The following ADK variants were observed in gnomAD, a reference collection of about 807,000 sequenced individuals.
ADK encodes adenosine kinase, also known as N6,N6-dimethyladenosine kinase.
In ADK, 24 loss-of-function variants were observed where a neutral mutation model predicts 44.7. That is an observed-to-expected ratio of 0.54 (90% CI 0.39 to 0.76). The LOEUF (loss-of-function observed/expected upper bound fraction) is 0.76, where lower values mean the gene tolerates loss of function less well. ADK is among the 30% of genes least tolerant of loss of function. The pLI is 0.00. For missense variants in ADK, 321 were observed against 425.1 expected (o/e 0.76, Z 2.15); for synonymous variants, 128 against 142.6 (o/e 0.90, Z 0.73).
intron 3 of ADK, among the ~76,000 whole-genome samples, chr10:74,269,235 CTGTT>C (rs1035626184): frequency 3.3e-5 from 5 of 152,222 alleles, no homozygotes; most frequent in East Asian, 1.9e-4. Context: ...TGTTTTTAAA[CTGTT>C]TGAACACTAG....
intron 6 of ADK, among the ~76,000 whole-genome samples, chr10:74,522,892 TTTC>T (rs1182770657): frequency 6.6e-6 from 1 of 152,172 alleles, no homozygotes; most frequent in Admixed American, 6.5e-5. Flanking sequence ...AATAGATCCT[TTTC>T]TTTGAAAAGC....
intron 7 of ADK, among the ~76,000 whole-genome samples, chr10:74,544,242 T>A (rs1429608347): frequency 6.6e-6 from 1 of 152,240 alleles, no homozygotes; most frequent in Admixed American, 6.5e-5. Flanking sequence ...TGGTGATCAC[T>A]TTCTGACCGG....
At chr10:74,489,837 A>C (rs1437828410) in intron 6 of ADK, among the ~76,000 whole-genome samples, 1 of 152,052 alleles carries the variant, frequency 6.6e-6, no homozygotes, top group Non-Finnish European at 1.5e-5. Flanking sequence ...TATTATATCT[A>C]GTTCCTGAAA....
At chr10:74,202,704 A>G (rs551430110) in intron 2 of ADK, among the ~76,000 whole-genome samples, 6 of 152,288 alleles carry the variant, frequency 3.9e-5, no homozygotes, top group Admixed American at 3.3e-4. Context: ...GCATTTTTCT[A>G]TTGAAAACTT....
intron 4 of ADK, among the ~76,000 whole-genome samples, chr10:74,363,180 C>T (rs1432580540): frequency 1.3e-5 from 2 of 152,160 alleles, no homozygotes; most frequent in African/African-American, 4.8e-5. Context: ...TATGGATATG[C>T]CTGTCACATG....
At chr10:74,174,175 G>C (rs1842249704) in intron 1 of ADK, among the ~76,000 whole-genome samples, 1 of 151,578 alleles carries the variant, frequency 6.6e-6, no homozygotes, top group Non-Finnish European at 1.5e-5. Flanking sequence ...AGGCATGGTG[G>C]TGCGTGCCTT....
intron 1 of ADK, among the ~76,000 whole-genome samples, chr10:74,189,476 G>A (rs772579991): frequency 1.1e-4 from 17 of 152,274 alleles, no homozygotes; most frequent in Non-Finnish European, 1.0e-4. Flanking sequence ...GAGGTTTTCA[G>A]TGTAGATATT....
intron 7 of ADK, among the ~76,000 whole-genome samples, chr10:74,553,367 A>C (rs541423973): frequency 4.6e-5 from 7 of 151,806 alleles, no homozygotes; most frequent in African/African-American, 1.7e-4. Context: ...CACCCAGCTA[A>C]TTTTTGTATT....
chr10:74,333,734 C>A (rs1841310038), intron 4 of ADK, among the ~76,000 whole-genome samples: 1 of 151,940 alleles, frequency 6.6e-6, no homozygotes, highest in Admixed American at 6.5e-5. Flanking sequence ...AAAAAGATTT[C>A]AAAATTATAA....
intron 9 of ADK, among the ~76,000 whole-genome samples, chr10:74,618,252 CTCCTT>C (rs1218932727): frequency 6.6e-6 from 1 of 151,290 alleles, no homozygotes; most frequent in Admixed American, 6.6e-5. Flanking sequence ...TCTTTTTTCT[CTCCTT>C]TCCTGCTGTT....
intron 3 of ADK, among the ~76,000 whole-genome samples, chr10:74,227,338 C>T (rs1409260233): frequency 6.6e-6 from 1 of 152,166 alleles, no homozygotes; most frequent in Non-Finnish European, 1.5e-5. Flanking sequence ...CATTGACCTG[C>T]TCTTTGAAAA....
At chr10:74,512,391 C>T (rs962284859) in intron 6 of ADK, among the ~76,000 whole-genome samples, 14 of 141,328 alleles carry the variant, frequency 9.9e-5, no homozygotes, top group Admixed American at 2.3e-4. Context: ...GTGAAGCCAT[C>T]CAGTTCTGGA....
intron 3 of ADK, among the ~76,000 whole-genome samples, chr10:74,254,588 C>G (rs1035978690): frequency 4.0e-5 from 6 of 151,372 alleles, no homozygotes; most frequent in African/African-American, 1.5e-4. Flanking sequence ...TTCAATAACA[C>G]ACTTCAAAAA....
intron 3 of ADK, among the ~76,000 whole-genome samples, chr10:74,265,384 T>C (rs544575523): frequency 2.0e-5 from 3 of 152,140 alleles, no homozygotes; most frequent in South Asian, 4.1e-4. Context: ...CCCAGCTAAT[T>C]GTTTTTATTT....
At chr10:74,310,712 A>G (rs1840405029) in intron 3 of ADK, among the ~76,000 whole-genome samples, 2 of 152,184 alleles carry the variant, frequency 1.3e-5, no homozygotes, top group South Asian at 4.1e-4. Flanking sequence ...AATAATGTCT[A>G]CACTTATTAG....
At chr10:74,294,816 A>T (rs2132492872) in intron 3 of ADK, among the ~76,000 whole-genome samples, 1 of 152,212 alleles carries the variant, frequency 6.6e-6, no homozygotes, top group South Asian at 2.1e-4. Flanking sequence ...TAAGTTTTTT[A>T]CCCAGTTTTC....
chr10:74,607,258 T>G (rs1382999917), intron 9 of ADK, among the ~76,000 whole-genome samples: 2 of 152,210 alleles, frequency 1.3e-5, no homozygotes, highest in Non-Finnish European at 2.9e-5. Context: ...TATGCATGAA[T>G]TTGATCCTGT....
chr10:74,592,392 T>C (rs886532140), intron 8 of ADK, among the ~76,000 whole-genome samples: 8 of 152,148 alleles, frequency 5.3e-5, no homozygotes, highest in Non-Finnish European at 1.0e-4. Context: ...CATGTTTCAT[T>C]ATAAAGCCTT....
At chr10:74,541,661 C>A (rs1320932104) in intron 7 of ADK, among the ~76,000 whole-genome samples, 2 of 151,510 alleles carry the variant, frequency 1.3e-5, no homozygotes, top group Non-Finnish European at 2.9e-5. Flanking sequence ...GGCATGATGG[C>A]ACATTCCTGT....
Sources: allele counts gnomAD v4.1 joint callset (sites outside exome capture counted in the v4.1 genomes callset), GRCh38; gene constraint gnomAD v4.1.1; transcripts MANE v1.5; gene names NCBI Gene and HGNC (gene_info 2026-07-23, HGNC 2026-07-21).